The following ZNF385D variants were observed in gnomAD, a reference collection of about 807,000 sequenced individuals.
The protein encoded by ZNF385D is zinc finger protein 385D, also known as zinc finger protein 659.
ZNF385D carries 15 observed loss-of-function variants against 35.8 expected under a neutral mutation model. The ratio of observed to expected loss-of-function variants is 0.42; its 90% CI spans 0.28 to 0.64. ZNF385D has a LOEUF of 0.64. Among genes scored for constraint, ZNF385D ranks in the 30% least tolerant of loss-of-function variants. The probability of loss-of-function intolerance (pLI) is 0.23; values close to 1 mark genes in which losing one functional copy is unlikely to be tolerated. For missense variants in ZNF385D, 474 were observed against 494.6 expected (o/e 0.96, Z 0.39); for synonymous variants, 212 against 186.8 (o/e 1.13, Z -1.10).
chr3:22,063,009 C>A (rs918484830), intron 3 of ZNF385D, among the ~76,000 whole-genome samples: 4 of 152,170 alleles, frequency 2.6e-5, no homozygotes, highest in Admixed American at 1.3e-4. Flanking sequence ...AGCCTCATGA[C>A]TCACAGAAAT....
At chr3:21,498,593 T>C (rs1378705386) in intron 4 of ZNF385D, among the ~76,000 whole-genome samples, 1 of 149,588 alleles carries the variant, frequency 6.7e-6, no homozygotes, top group Non-Finnish European at 1.5e-5. Context: ...GCCAAAAACA[T>C]AGGAAAAAAT....
At chr3:22,072,427 C>T (rs773757932) in intron 3 of ZNF385D, among the ~76,000 whole-genome samples, 7 of 152,048 alleles carry the variant, frequency 4.6e-5, no homozygotes, top group Non-Finnish European at 7.4e-5. Context: ...CAGAATGAAG[C>T]ACTCTCTAAA....
intron 1 of ZNF385D, among the ~76,000 whole-genome samples, chr3:21,749,239 G>T (rs1173449976): frequency 1.3e-5 from 2 of 152,088 alleles, no homozygotes; most frequent in Non-Finnish European, 2.9e-5. Context: ...TTTACAAGAG[G>T]CTGAACTAGC....
chr3:21,737,466 T>TACACAC (rs1553648227), intron 1 of ZNF385D, among the ~76,000 whole-genome samples: 13 of 149,182 alleles, frequency 8.7e-5, no homozygotes, highest in Middle Eastern at 6.9e-3. Flanking sequence ...GGGATATATA[T>TACACAC]ACACACACAC....
chr3:21,929,233 C>G (rs1183134006), intron 3 of ZNF385D, among the ~76,000 whole-genome samples: 1 of 151,980 alleles, frequency 6.6e-6, no homozygotes, highest in African/African-American at 2.4e-5. Flanking sequence ...CCACATGATT[C>G]TTTAGATGCA....
In ZNF385D at chr3:21,831,538, T is replaced by G. The variant is rs553668486; in HGVS notation, c.326-166510A>C. Among the ~76,000 whole-genome samples the G allele has an allele frequency of 9.2e-5, 14 of 152,298 alleles. No homozygotes were observed. In the South Asian group the frequency reaches 2.7e-3, roughly 29 times the overall value. ...AAACTCAGACCTTTCTACACTTCAT[T>G]CAAAGGTTATCCATACCACTTAGCT... On this transcript the variant is annotated intron_variant, in intron 3 of 5. Transcript: ENST00000494108.
At chr3:21,804,202 GGTT>G (rs1307434991) in intron 3 of ZNF385D, among the ~76,000 whole-genome samples, 4 of 152,064 alleles carry the variant, frequency 2.6e-5, no homozygotes, top group Admixed American at 2.0e-4. Flanking sequence ...TATTTTATGT[GGTT>G]GTTTTAGTAA....
chr3:21,817,815 C>T (rs2125724337), intron 3 of ZNF385D, among the ~76,000 whole-genome samples: 1 of 152,292 alleles, frequency 6.6e-6, no homozygotes, highest in East Asian at 1.9e-4. Flanking sequence ...CCAGCCATCC[C>T]ATTACTGGGT....
intron 3 of ZNF385D, among the ~76,000 whole-genome samples, chr3:21,893,753 C>A (rs754331618): frequency 6.6e-6 from 1 of 152,150 alleles, no homozygotes; most frequent in South Asian, 2.1e-4. Context: ...TATTTTAGAA[C>A]TCAGAGAATT....
intron 3 of ZNF385D, among the ~76,000 whole-genome samples, chr3:21,896,963 C>A (rs1699170825): frequency 6.6e-6 from 1 of 151,892 alleles, no homozygotes; most frequent in Non-Finnish European, 1.5e-5. Context: ...TTTCTGATGG[C>A]TGTGTTTGTA....
chr3:21,918,006 T>A lies in ZNF385D; in HGVS notation c.325+250811A>T, dbSNP rs1315134808. ...TTATCAAGTTACATGAGAGCTAATC[T>A]GAATTGATTGCTCAGGGAGGACTTT... On this transcript the variant is annotated intron_variant, in intron 3 of 5. Transcript: ENST00000494108. Among the ~76,000 whole-genome samples the A allele has an allele frequency of 2.0e-5, 3 of 152,330 alleles. No individual in the cohort carries two copies. In the East Asian group the frequency reaches 5.8e-4, roughly 29 times the overall value.
chr3:22,086,457 A>G (rs1701047943), intron 3 of ZNF385D, among the ~76,000 whole-genome samples: 2 of 152,198 alleles, frequency 1.3e-5, no homozygotes, highest in Admixed American at 6.5e-5. Context: ...CAATTGCTTC[A>G]AAGAGAATAA....
At chr3:22,053,335 G>T (rs1576233698) in intron 3 of ZNF385D, among the ~76,000 whole-genome samples, 1 of 44,634 alleles carries the variant, frequency 2.2e-5, no homozygotes, top group Non-Finnish European at 4.3e-5. Flanking sequence ...TCCAGGAGCT[G>T]GTTTTTTGAA....
intron 3 of ZNF385D, among the ~76,000 whole-genome samples, chr3:22,114,211 C>T (rs567018218): frequency 2.6e-5 from 4 of 151,988 alleles, no homozygotes; most frequent in East Asian, 3.9e-4. Context: ...GCTTACTTCT[C>T]GCTGTTAAAC....
chr3:21,976,110 C>T (rs1703607059), intron 3 of ZNF385D, among the ~76,000 whole-genome samples: 1 of 152,126 alleles, frequency 6.6e-6, no homozygotes, highest in Admixed American at 6.5e-5. Flanking sequence ...CTGAACCTTA[C>T]TGAAGCTGCA....
chr3:21,501,923 T>G (rs1182966970), intron 4 of ZNF385D, among the ~76,000 whole-genome samples: 3 of 152,176 alleles, frequency 2.0e-5, no homozygotes, highest in Admixed American at 2.0e-4. Context: ...ACTTCTTAGG[T>G]GTTCAGCTTT....
At chr3:21,909,234 AT>A (rs951856746) in intron 3 of ZNF385D, among the ~76,000 whole-genome samples, 1 of 152,094 alleles carries the variant, frequency 6.6e-6, no homozygotes, top group Non-Finnish European at 1.5e-5. Flanking sequence ...ATCACATTCC[AT>A]TTTTGGAACC....
In ZNF385D at chr3:22,138,444, G is replaced by A. The variant is rs577216158; in HGVS notation, c.325+30373C>T. Among the ~76,000 whole-genome samples, 290 of 152,218 alleles carry A rather than the reference G, an allele frequency of 1.9e-3. 1 individual carries two copies. Among genetic ancestry groups the A allele is most frequent in the Middle Eastern group, 0.01 (3 of 294 alleles). On this transcript the variant is annotated intron_variant, in intron 3 of 5. Coordinates refer to the ZNF385D transcript ENST00000494108. The stretch of plus-strand genomic sequence containing the variant: ...CTACAAGGCTACAGTAACCAAAACA[G>A]CATGGTACTGGTACCAAAACAGAGA...
chr3:22,106,785 T>C (rs570717824), intron 3 of ZNF385D, among the ~76,000 whole-genome samples: 2 of 152,178 alleles, frequency 1.3e-5, no homozygotes, highest in Non-Finnish European at 2.9e-5. Flanking sequence ...TTCTACCTAA[T>C]GCGGAGAAGC....
Sources: allele counts gnomAD v4.1 joint callset (sites outside exome capture counted in the v4.1 genomes callset), GRCh38; gene constraint gnomAD v4.1.1; transcripts MANE v1.5; gene names NCBI Gene and HGNC (gene_info 2026-07-23, HGNC 2026-07-21).